The following CHCHD4 variants were observed in gnomAD, a reference collection of about 807,000 sequenced individuals.
CHCHD4 encodes the protein coiled-coil-helix-coiled-coil-helix domain containing 4.
In CHCHD4, 7 loss-of-function variants were observed where a neutral mutation model predicts 12.4. That is an observed-to-expected ratio of 0.57 (90% CI 0.32 to 1.06). The LOEUF is 1.06. Ranked by LOEUF, CHCHD4 falls within the 50% of genes least tolerant of loss-of-function variation. The probability of loss-of-function intolerance (pLI) is 0.04; values close to 1 mark genes in which losing one functional copy is unlikely to be tolerated. For missense variants in CHCHD4, 143 were observed against 175.1 expected (o/e 0.82, Z 1.03); for synonymous variants, 56 against 58.0 (o/e 0.97, Z 0.16).
At chr3:14,122,068 G>C (rs754869035) in intron 1 of CHCHD4, 1 of 1,601,170 alleles carries the variant, frequency 6.2e-7, no homozygotes, top group Admixed American at 1.7e-5. Flanking sequence ...ATTCCAGAAG[G>C]AACCATCCTG....
At chr3:14,122,637 T>C (rs760902182) in intron 1 of CHCHD4, among the ~76,000 whole-genome samples, 1 of 152,166 alleles carries the variant, frequency 6.6e-6, no homozygotes, top group African/African-American at 2.4e-5. Context: ...AAATGCATGA[T>C]TCAATAAAGA....
intron 1 of CHCHD4, among the ~76,000 whole-genome samples, chr3:14,124,227 G>A (rs1007735915): frequency 6.6e-6 from 1 of 152,184 alleles, no homozygotes; most frequent in Non-Finnish European, 1.5e-5. Flanking sequence ...ACGCTACCCC[G>A]AGTGGCAACT....
rs1392358317 is a variant in CHCHD4 at position 14,113,109 on chromosome 3, C to T, written c.207G>A (p.Lys69=). The change falls in exon 3 of 3, where the codon AAG becomes AAA. Residue 69 remains lysine, a synonymous_variant. Coordinates refer to ENST00000396914, the MANE Select transcript of CHCHD4 (RefSeq NM_001098502.2). ...TATAGTGGAAGCAGGAAAAGGCTGACTTAAACTGTTCTCCACAGGGACCGC... is the reference window on the plus strand; with the variant it reads ...TATAGTGGAAGCAGGAAAAGGCTGATTTAAACTGTTCTCCACAGGGACCGC... ...MASGPCGEQF[K]SAFSCFHYST... is the part of the protein sequence containing the mutation. 1.2e-6 allele frequency: 2 copies of T among 1,614,158 alleles called. No homozygotes were observed. Among genetic ancestry groups the T allele is most frequent in the Admixed American group, 1.7e-5 (1 of 60,016 alleles).
At chr3:14,116,244 G>C (rs1482329574) in intron 2 of CHCHD4, among the ~76,000 whole-genome samples, 182 bp downstream of exon 2, 1 of 152,186 alleles carries the variant, frequency 6.6e-6, no homozygotes, top group African/African-American at 2.4e-5. Flanking sequence ...GAACAAGGCT[G>C]GAAAGCACAG....
chr3:14,117,110 G>A (rs1299973899), intron 1 of CHCHD4, among the ~76,000 whole-genome samples: 1 of 152,216 alleles, frequency 6.6e-6, no homozygotes, highest in African/African-American at 2.4e-5. Context: ...TTTTAACTGT[G>A]ACCATCTGCA....
intron 1 of CHCHD4, among the ~76,000 whole-genome samples, chr3:14,121,517 G>A (rs886711560): frequency 1.3e-5 from 2 of 152,222 alleles, no homozygotes; most frequent in African/African-American, 2.4e-5. Context: ...GAATGCCCCT[G>A]TGTCCTGCAG....
At chr3:14,122,216 G>A in intron 1 of CHCHD4, 1 of 1,288,602 alleles carries the variant, frequency 7.8e-7, no homozygotes, top group Non-Finnish European at 1.0e-6. Flanking sequence ...ACCCCATAGA[G>A]CCTTTCACTA....
rs1020211022 is a variant in CHCHD4, at chr3:14,124,764, C to G, written c.-88G>C. 20 of 1,403,084 alleles carry G rather than the reference C, an allele frequency of 1.4e-5. No individual in the cohort carries two copies. Among genetic ancestry groups the G allele is most frequent in the Admixed American group, 1.1e-4 (4 of 37,644 alleles). The allele number at this position is 1,403,084 out of a possible 1,614,324, so 86.9% of individuals were successfully genotyped here. A position where few individuals can be genotyped will look rare whatever the true frequency, so the allele number is the denominator to read the frequency against. On this transcript the variant is annotated 5_prime_UTR_variant, in exon 1 of 3. Transcript: ENST00000396914. The stretch of plus-strand genomic sequence containing the variant: ...GTGACCTCCCTCTCCTCTGGCAGGG[C>G]GGGCTCCTCCGAAGCCCGCGCGGAC...
intron 1 of CHCHD4, among the ~76,000 whole-genome samples, chr3:14,120,649 A>G (rs1385512078): frequency 6.6e-6 from 1 of 152,228 alleles, no homozygotes; most frequent in African/African-American, 2.4e-5. Context: ...CTGGAATGTC[A>G]GCTCCTCAGA....
At chr3:14,123,424 T>C (rs1190463346) in intron 1 of CHCHD4, among the ~76,000 whole-genome samples, 9 of 152,214 alleles carry the variant, frequency 5.9e-5, no homozygotes, top group Non-Finnish European at 1.2e-4. Context: ...AATATAATAG[T>C]ACTCATTAAA....
intron 1 of CHCHD4, among the ~76,000 whole-genome samples, chr3:14,124,393 T>G (rs1390074350): frequency 6.6e-6 from 1 of 152,154 alleles, no homozygotes; most frequent in Non-Finnish European, 1.5e-5. Flanking sequence ...GTTTACGACT[T>G]CCTACGCACA....
intron 1 of CHCHD4, among the ~76,000 whole-genome samples, chr3:14,121,197 CCTCT>C (rs1222075009): frequency 3.3e-5 from 5 of 152,318 alleles, no homozygotes; most frequent in Middle Eastern, 3.4e-3. Flanking sequence ...CCCCCACCTC[CCTCT>C]GTGTCCCAGC....
chr3:14,116,591 G>A, intron 1 of CHCHD4, 67 bp from the exon 2 acceptor site: 1 of 1,194,082 alleles, frequency 8.4e-7, no homozygotes, highest in Non-Finnish European at 1.2e-6. Context: ...TAAACCCAAA[G>A]CAGCCGCCAC....
intron 2 of CHCHD4, 134 bp downstream of exon 2, chr3:14,116,292 A>C: frequency 1.4e-6 from 1 of 718,148 alleles, no homozygotes; most frequent in Non-Finnish European, 2.5e-6. Flanking sequence ...CACTGCCCTC[A>C]GAGATGGTCT....
chr3:14,122,940 G>A (rs1358485227), intron 1 of CHCHD4, among the ~76,000 whole-genome samples: 1 of 152,024 alleles, frequency 6.6e-6, no homozygotes, highest in East Asian at 1.9e-4. Context: ...GAAGAGACCA[G>A]GCTGGAAAGG....
intron 1 of CHCHD4, among the ~76,000 whole-genome samples, chr3:14,123,998 C>A (rs1694971555): frequency 6.6e-6 from 1 of 152,182 alleles, no homozygotes; most frequent in African/African-American, 2.4e-5. Flanking sequence ...AGGCTCAAAC[C>A]CCAGCTCCAC....
chr3:14,117,875 C>T (rs887491933), intron 1 of CHCHD4, among the ~76,000 whole-genome samples: 3 of 152,280 alleles, frequency 2.0e-5, no homozygotes, highest in East Asian at 1.9e-4. Context: ...CATACTGCCC[C>T]GCACCAACAT....
chr3:14,123,276 G>A (rs1190242377), intron 1 of CHCHD4, among the ~76,000 whole-genome samples: 1 of 152,102 alleles, frequency 6.6e-6, no homozygotes, highest in Non-Finnish European at 1.5e-5. Context: ...TTGTTTATCA[G>A]CACAGCCTCA....
Position 14,124,671 on chromosome 3 carries a change from G to T in CHCHD4, c.6C>A (p.Ser2=). M[S]YCRQEGKDRI... is the part of the protein sequence containing the mutation. Reference sequence around the variant, plus strand: ...CCTCCCTACCTTCCTGCCGGCAATAGGACATGGCTGCAGCCCGTCCCTGAG... The same window carrying T: ...CCTCCCTACCTTCCTGCCGGCAATATGACATGGCTGCAGCCCGTCCCTGAG... The change falls in exon 1 of 3, where the codon TCC becomes TCA. Residue 2 remains serine, a synonymous_variant. Coordinates refer to ENST00000396914, the MANE Select transcript of CHCHD4 (RefSeq NM_001098502.2). 1 of 1,530,044 alleles carries T rather than the reference G, an allele frequency of 6.5e-7. No homozygotes were observed. Among genetic ancestry groups the T allele is most frequent in the East Asian group, 2.7e-5 (1 of 37,726 alleles). The allele number at this position is 1,530,044 out of a possible 1,614,324, so 94.8% of individuals were successfully genotyped here.
Sources: allele counts gnomAD v4.1 joint callset (sites outside exome capture counted in the v4.1 genomes callset), GRCh38; gene constraint gnomAD v4.1.1; transcripts MANE v1.5; gene names NCBI Gene and HGNC (gene_info 2026-07-23, HGNC 2026-07-21).